Variants in RPA3 observed in about 807,000 individuals in gnomAD.
The protein encoded by RPA3 is replication protein A 14 kDa subunit.
Under a neutral mutation model 13.7 loss-of-function variants are expected in RPA3, and 24 were observed. That is an observed-to-expected ratio of 1.75 (90% confidence interval 1.27 to 2.46). The LOEUF (loss-of-function observed/expected upper bound fraction) is 2.46, where lower values mean the gene tolerates loss of function less well. Among genes scored for constraint, RPA3 ranks in the 30% most tolerant of loss-of-function variants. The pLI, the probability that RPA3 is intolerant of heterozygous loss-of-function variation, is 0.00. For synonymous variants in RPA3, 59 were observed against 51.2 expected, an observed-to-expected ratio of 1.15 and a Z score of -0.65; for missense variants, 183 against 151.0, an observed-to-expected ratio of 1.21 and a Z score of -1.11.
chr7:7,672,848 A>G (rs1460450775), intron 4 of RPA3, among the ~76,000 whole-genome samples: 5 of 152,218 alleles, frequency 3.3e-5, no homozygotes, highest in East Asian at 3.8e-4. Context: ...TTAGGTAACC[A>G]TCAGTAGGGG....
intron 4 of RPA3, among the ~76,000 whole-genome samples, chr7:7,658,851 T>C (rs1379292010): frequency 1.3e-5 from 2 of 152,192 alleles, no homozygotes; most frequent in East Asian, 3.8e-4. Flanking sequence ...CCTTTTTTTC[T>C]ATTGTTTGGA....
intron 4 of RPA3, among the ~76,000 whole-genome samples, chr7:7,645,700 G>T (rs1372687449): frequency 6.6e-6 from 1 of 152,110 alleles, no homozygotes; most frequent in Non-Finnish European, 1.5e-5. Flanking sequence ...TGAGATGATT[G>T]AAATGAGTAT....
chr7:7,705,254 T>G (rs545634463), intron 2 of RPA3, among the ~76,000 whole-genome samples: 21 of 152,334 alleles, frequency 1.4e-4, no homozygotes, highest in African/African-American at 4.8e-4. Flanking sequence ...GTTGATGCAC[T>G]GTGATTTAGT....
chr7:7,638,251 A>G, intron 6 of RPA3: 1 of 299,752 alleles, frequency 3.3e-6, no homozygotes, highest in Non-Finnish European at 6.5e-6. Flanking sequence ...GCATTTCTAT[A>G]AGCAGTAATA....
chr7:7,680,050 A>T (rs960059027), intron 4 of RPA3, among the ~76,000 whole-genome samples: 2 of 151,938 alleles, frequency 1.3e-5, no homozygotes, highest in Non-Finnish European at 2.9e-5. Context: ...ACTTGATGTA[A>T]TCCCATTTGT....
At chr7:7,666,569 C>G (rs910705815) in intron 4 of RPA3, among the ~76,000 whole-genome samples, 14 of 152,166 alleles carry the variant, frequency 9.2e-5, no homozygotes, top group Admixed American at 8.5e-4. Context: ...CATTGAGATT[C>G]TAATTTACTT....
At chr7:7,705,539 G>C (rs1174021298) in intron 2 of RPA3, among the ~76,000 whole-genome samples, 1 of 152,102 alleles carries the variant, frequency 6.6e-6, no homozygotes, top group Non-Finnish European at 1.5e-5. Flanking sequence ...TAATCATCTG[G>C]CTCTAAGTAC....
chr7:7,693,350 A>G (rs1780226871), intron 2 of RPA3, among the ~76,000 whole-genome samples: 1 of 126,078 alleles, frequency 7.9e-6, no homozygotes, highest in African/African-American at 3.0e-5. Context: ...TTATTTCGGT[A>G]GACTTAAGGC....
intron 2 of RPA3, among the ~76,000 whole-genome samples, chr7:7,688,515 A>C (rs868518550): frequency 6.6e-6 from 1 of 152,058 alleles, no homozygotes; most frequent in Non-Finnish European, 1.5e-5. Context: ...CAGAGTGCCC[A>C]GCTTGTTTCA....
chr7:7,689,641 A>G (rs1583739512), intron 2 of RPA3, among the ~76,000 whole-genome samples: 1 of 152,174 alleles, frequency 6.6e-6, no homozygotes, highest in Admixed American at 6.5e-5. Context: ...ATGTATTTAT[A>G]TGTATATCTC....
intron 2 of RPA3, among the ~76,000 whole-genome samples, chr7:7,696,890 T>G (rs1042349532): frequency 1.3e-5 from 2 of 152,112 alleles, no homozygotes; most frequent in African/African-American, 4.8e-5. Flanking sequence ...TGAAATCTGT[T>G]AAGAATAACA....
rs1563112460 is a variant in RPA3, at chr7:7,677,672, T to TG, written c.-758+8157_-758+8158insC. On this transcript the variant is annotated intron_variant, in intron 4 of 7. Transcript: ENST00000223129. ...TATTCATCTGTTTTTTTGTTTTTTT[T>TG]TTTTTTTTTTTTTTTTTTTGAGACG... Among the ~76,000 whole-genome samples the TG allele has an allele frequency of 4.3e-4, 43 of 101,090 alleles. 9 individuals carry two copies. Among genetic ancestry groups the TG allele is most frequent in the African/African-American group, 4.3e-4 (13 of 30,104 alleles). 66.3% of individuals were successfully genotyped at this position (101,090 alleles called of 152,430 possible). A position where few individuals can be genotyped will look rare whatever the true frequency, so the allele number is the denominator to read the frequency against.
At chr7:7,638,183 G>T in intron 6 of RPA3, 2 of 410,902 alleles carry the variant, frequency 4.9e-6, no homozygotes, top group Non-Finnish European at 9.0e-6. Context: ...TTTAGCAGTA[G>T]CTTCAAGTCC....
chr7:7,669,949 T>C (rs1352811338), intron 4 of RPA3, among the ~76,000 whole-genome samples: 4 of 152,196 alleles, frequency 2.6e-5, no homozygotes. Context: ...TTTGGGATAT[T>C]ATAATGTTCT....
chr7:7,705,159 G>A (rs1337570891), intron 2 of RPA3, among the ~76,000 whole-genome samples: 1 of 152,134 alleles, frequency 6.6e-6, no homozygotes, highest in African/African-American at 2.4e-5. Flanking sequence ...GATGAGAAGA[G>A]ATCTCAACTT....
chr7:7,695,386 A>G lies in RPA3; in HGVS notation c.-1027-8058T>C, dbSNP rs28912705. ...ATATTAGATAAGAAAGGCTGTAGAG[A>G]GAGAAAAATCTCCTAACCTTGTCTT... is the stretch of plus-strand genomic sequence containing the variant. On this transcript the variant is annotated intron_variant, in intron 2 of 7. Transcript: ENST00000223129. Among the ~76,000 whole-genome samples, 531 of 152,338 alleles carry G rather than the reference A, an allele frequency of 3.5e-3. 1 individual carries two copies. The highest frequency in any genetic ancestry group is 6.0e-3 in the Non-Finnish European group (410 of 68,028).
At chr7:7,668,637 A>T (rs1779529812) in intron 4 of RPA3, among the ~76,000 whole-genome samples, 1 of 152,226 alleles carries the variant, frequency 6.6e-6, no homozygotes, top group Non-Finnish European at 1.5e-5. Context: ...TAATTGATAT[A>T]AGCAAGAGTT....
At chr7:7,647,563 T>C (rs1273611813) in intron 4 of RPA3, among the ~76,000 whole-genome samples, 1 of 152,216 alleles carries the variant, frequency 6.6e-6, no homozygotes, top group East Asian at 1.9e-4. Context: ...CTATAGATGG[T>C]AGCATTGTCA....
intron 4 of RPA3, among the ~76,000 whole-genome samples, chr7:7,657,101 G>T (rs1401663062): frequency 6.6e-6 from 1 of 152,104 alleles, no homozygotes. Flanking sequence ...TTTGTTGTCT[G>T]CATAAATGTC....
Sources: allele counts gnomAD v4.1 joint callset (sites outside exome capture counted in the v4.1 genomes callset), GRCh38; gene constraint gnomAD v4.1.1; transcripts MANE v1.5; gene names NCBI Gene and HGNC (gene_info 2026-07-23, HGNC 2026-07-21).